The following IL1RAP variants were observed in gnomAD, a reference collection of about 807,000 sequenced individuals.
IL1RAP encodes the protein interleukin-1 receptor accessory protein.
IL1RAP carries 35 observed loss-of-function variants against 60.7 expected under a neutral mutation model. The observed-to-expected ratio is 0.58, with a 90% CI of 0.44 to 0.76. IL1RAP has a LOEUF of 0.76. Ranked by LOEUF, IL1RAP falls within the 30% of genes least tolerant of loss-of-function variation. The probability of loss-of-function intolerance (pLI) is 0.00; values close to 1 mark genes in which losing one functional copy is unlikely to be tolerated. For missense variants in IL1RAP, 572 were observed against 693.9 expected, an observed-to-expected ratio of 0.82 and a Z score of 1.97; for synonymous variants, 268 against 250.9, an observed-to-expected ratio of 1.07 and a Z score of -0.64.
At chr3:190,552,597 C>CT (rs900217457) in intron 1 of IL1RAP, among the ~76,000 whole-genome samples, 43 of 152,148 alleles carry the variant, frequency 2.8e-4, no homozygotes, top group Middle Eastern at 3.4e-3. Flanking sequence ...TTAATTAGAG[C>CT]TTTTTTTATA....
Position 190,604,263 on chromosome 3 carries a change from C to T in IL1RAP, c.200C>T (p.Thr67Ile). The part of the protein sequence containing the change: ...NYSTAHSAGL[T>I]LIWYWTRQDR... ...AGCACAGCCCATTCAGCTGGCCTTA[C>T]TCTGATCTGGTATTGGACTAGGCAG... The change falls in exon 4 of 12, where the codon ACT (threonine) becomes ATT (isoleucine). Residue 67 changes from threonine (T) to isoleucine (I), a missense_variant. Physicochemically the swap from Thr to Ile is moderately conservative, Grantham distance 89. Transcript: ENST00000447382. 1 of 1,614,080 alleles carries T rather than the reference C, an allele frequency of 6.2e-7. No individual in the cohort carries two copies. The highest frequency in any genetic ancestry group is 8.5e-7 in the Non-Finnish European group (1 of 1,180,010).
At chr3:190,554,053 T>C (rs1577576090) in intron 1 of IL1RAP, among the ~76,000 whole-genome samples, 1 of 84,846 alleles carries the variant, frequency 1.2e-5, no homozygotes. Context: ...AGAGCGAGAC[T>C]CCGTCTCAAA....
At chr3:190,631,150 G>A (rs10513856) in intron 9 of IL1RAP, among the ~76,000 whole-genome samples, 3,055 of 152,244 alleles carry the variant, frequency 0.02, 89 homozygotes, top group African/African-American at 0.07. Flanking sequence ...ATAGTGGCAG[G>A]ATGTTTTCAT....
At chr3:190,558,032 T>C (rs1342432841) in intron 2 of IL1RAP, among the ~76,000 whole-genome samples, 2 of 152,192 alleles carry the variant, frequency 1.3e-5, no homozygotes, top group African/African-American at 2.4e-5. Flanking sequence ...AATCATACAA[T>C]AGGCATCCTA....
At position 190,563,702 on chromosome 3, in the gene IL1RAP, A is replaced by C. The variant is rs1726109658; in HGVS notation, c.-1-587A>C. 2.0e-5 allele frequency among the ~76,000 whole-genome samples: 3 copies of C among 152,312 alleles called. 1 individual carries two copies. In the South Asian group the frequency reaches 6.2e-4, roughly 32 times the overall value. On this transcript the variant is annotated intron_variant, in intron 2 of 11. Coordinates refer to ENST00000447382, the MANE Select transcript of IL1RAP (RefSeq NM_002182.4). The stretch of plus-strand genomic sequence containing the variant: ...ATTTTCCTTAATATAAATTCACAGT[A>C]TGGTAGATTGCAGACAAAGTCTGAA...
At chr3:190,595,025 CCTT>C (rs1161332508) in intron 3 of IL1RAP, among the ~76,000 whole-genome samples, 2 of 152,202 alleles carry the variant, frequency 1.3e-5, no homozygotes, top group Admixed American at 6.5e-5. Context: ...CTCTCTCCCT[CCTT>C]CATTCCTGAT....
Position 190,650,129 on chromosome 3 carries a change from A to G in IL1RAP, c.*1424A>G. On this transcript the variant is annotated 3_prime_UTR_variant, in exon 12 of 12. Coordinates refer to ENST00000447382, the MANE Select transcript of IL1RAP (RefSeq NM_002182.4). ...ATGACTTTAAATAGCTATGGGTACA[A>G]TATTAAAAACCACTGGAACTCTTGT... 1 of 979,832 alleles carries G rather than the reference A, an allele frequency of 1.0e-6. No homozygotes were observed. The highest frequency in any genetic ancestry group is 1.2e-6 in the Non-Finnish European group (1 of 824,966). 60.7% of individuals were successfully genotyped at this position (979,832 alleles called of 1,614,324 possible).
intron 3 of IL1RAP, among the ~76,000 whole-genome samples, chr3:190,598,692 A>C (rs1729596706): frequency 6.6e-6 from 1 of 152,066 alleles, no homozygotes; most frequent in South Asian, 2.1e-4. Flanking sequence ...TATCTCTTCT[A>C]ATATTTCCCA....
chr3:190,599,936 A>G (rs1281972302), intron 3 of IL1RAP, among the ~76,000 whole-genome samples: 1 of 151,876 alleles, frequency 6.6e-6, no homozygotes, highest in East Asian at 1.9e-4. Context: ...TGCTTCATGG[A>G]TGAAACAGGT....
intron 9 of IL1RAP, among the ~76,000 whole-genome samples, chr3:190,641,088 C>A (rs1432362602): frequency 6.6e-6 from 1 of 152,198 alleles, no homozygotes; most frequent in African/African-American, 2.4e-5. Flanking sequence ...GCCTCAGCCT[C>A]CCGAGTAGCT....
chr3:190,565,497 C>A (rs1222070303), intron 3 of IL1RAP, among the ~76,000 whole-genome samples: 1 of 152,174 alleles, frequency 6.6e-6, no homozygotes, highest in Non-Finnish European at 1.5e-5. Context: ...CTTTTCTATG[C>A]CACATAAAAC....
At chr3:190,585,668 C>T (rs201579729) in intron 3 of IL1RAP, among the ~76,000 whole-genome samples, 53 of 151,834 alleles carry the variant, frequency 3.5e-4, no homozygotes, top group African/African-American at 1.1e-3. Context: ...AAAAATTAGC[C>T]GGGCATGGTG....
chr3:190,644,054 TG>T, intron 9 of IL1RAP, 193 bp from the exon 10 acceptor site: 1 of 870,656 alleles, frequency 1.1e-6, no homozygotes, highest in Non-Finnish European at 1.4e-6. Context: ...TGCCAGGTGC[TG>T]GAAACAAAAA....
intron 5 of IL1RAP, among the ~76,000 whole-genome samples, chr3:190,614,865 C>T (rs4140711): frequency 0.68 from 103,801 of 151,990 alleles, 35,965 homozygotes; most frequent in East Asian, 0.83. Flanking sequence ...GCAGGGTGAT[C>T]TTTGAACACA....
chr3:190,591,880 G>A (rs1176099926), intron 3 of IL1RAP, among the ~76,000 whole-genome samples: 1 of 152,080 alleles, frequency 6.6e-6, no homozygotes, highest in African/African-American at 2.4e-5. Flanking sequence ...ACTTGACACA[G>A]CCTGTTTATT....
chr3:190,582,317 C>CTTTTTT (rs371785536), intron 3 of IL1RAP, among the ~76,000 whole-genome samples: 2 of 140,532 alleles, frequency 1.4e-5, no homozygotes, highest in African/African-American at 5.2e-5. Context: ...CTTTTCTTTT[C>CTTTTTT]TTTTTTTTTT....
At chr3:190,542,038 C>G (rs1723980107) in intron 1 of IL1RAP, among the ~76,000 whole-genome samples, 1 of 152,148 alleles carries the variant, frequency 6.6e-6, no homozygotes, top group Non-Finnish European at 1.5e-5. Flanking sequence ...CCAGAAATGT[C>G]TCATTCGTGC....
At chr3:190,603,016 AT>A (rs1426501976) in intron 3 of IL1RAP, among the ~76,000 whole-genome samples, 2 of 152,164 alleles carry the variant, frequency 1.3e-5, no homozygotes, top group Non-Finnish European at 2.9e-5. Context: ...TAAAGAAAAA[AT>A]TCTTTAAAAG....
At chr3:190,611,428 G>A (rs1730815337) in intron 5 of IL1RAP, among the ~76,000 whole-genome samples, 1 of 152,182 alleles carries the variant, frequency 6.6e-6, no homozygotes, top group East Asian at 1.9e-4. Flanking sequence ...TGGGCCAGAT[G>A]TGCTGGGTTT....
Sources: allele counts gnomAD v4.1 joint callset (sites outside exome capture counted in the v4.1 genomes callset), GRCh38; gene constraint gnomAD v4.1.1; transcripts MANE v1.5; gene names NCBI Gene and HGNC (gene_info 2026-07-23, HGNC 2026-07-21).